AGBL4: variants seen among roughly 807,000 people sequenced by gnomAD.
The protein encoded by AGBL4 is AGBL carboxypeptidase 4.
In AGBL4, 58 loss-of-function variants were observed where a neutral mutation model predicts 66.4. That is an observed-to-expected ratio of 0.87 (90% CI 0.71 to 1.09). The LOEUF (loss-of-function observed/expected upper bound fraction) is 1.09. Ranked by LOEUF, AGBL4 falls within the 50% of genes least tolerant of loss-of-function variation. The pLI, the probability that AGBL4 is intolerant of heterozygous loss-of-function variation, is 0.00. For synonymous variants in AGBL4, 234 were observed against 222.9 expected (o/e 1.05, Z -0.44); for missense variants, 579 against 631.0 (o/e 0.92, Z 0.88).
chr1:49,199,943 T>C (rs111918395), intron 4 of AGBL4, among the ~76,000 whole-genome samples: 6 of 152,274 alleles, frequency 3.9e-5, no homozygotes, highest in African/African-American at 1.2e-4. Flanking sequence ...AGCCATGATA[T>C]GTGGGGAGGC....
chr1:49,843,974 T>C (rs74436395), intron 2 of AGBL4, among the ~76,000 whole-genome samples: 5 of 152,242 alleles, frequency 3.3e-5, no homozygotes, highest in Non-Finnish European at 7.4e-5. Flanking sequence ...AGCATGTATA[T>C]TGAGGTCTTG....
chr1:49,440,636 A>G (rs886483680), intron 3 of AGBL4, among the ~76,000 whole-genome samples: 1 of 152,168 alleles, frequency 6.6e-6, no homozygotes, highest in African/African-American at 2.4e-5. Context: ...AGGAGGAGAC[A>G]CTGAGCCTCA....
chr1:48,913,057 T>A (rs943896846), intron 5 of AGBL4, among the ~76,000 whole-genome samples: 2 of 152,118 alleles, frequency 1.3e-5, no homozygotes, highest in Non-Finnish European at 2.9e-5. Context: ...CAAATAACTA[T>A]GAAGTTTTAT....
intron 2 of AGBL4, among the ~76,000 whole-genome samples, chr1:49,698,784 C>T (rs1053349612): frequency 6.6e-6 from 1 of 151,982 alleles, no homozygotes; most frequent in Non-Finnish European, 1.5e-5. Flanking sequence ...TTAATATTCA[C>T]TTCAATATTC....
intron 3 of AGBL4, among the ~76,000 whole-genome samples, chr1:49,432,352 C>T (rs943126328): frequency 6.6e-6 from 1 of 152,000 alleles, no homozygotes; most frequent in African/African-American, 2.4e-5. Flanking sequence ...TCCAGGCCTT[C>T]TTCTTGGAAT....
At chr1:48,864,105 C>A (rs953198155) in intron 6 of AGBL4, among the ~76,000 whole-genome samples, 1 of 151,924 alleles carries the variant, frequency 6.6e-6, no homozygotes, top group African/African-American at 2.4e-5. Context: ...TAAAAAGAGA[C>A]AACCCAATAG....
chr1:49,928,574 T>C (rs1335705977), intron 1 of AGBL4, among the ~76,000 whole-genome samples: 1 of 151,938 alleles, frequency 6.6e-6, no homozygotes, highest in Admixed American at 6.6e-5. Context: ...AAAGAAAAGA[T>C]TGGAAGAGGA....
intron 5 of AGBL4, among the ~76,000 whole-genome samples, chr1:48,961,602 C>T (rs1657982686): frequency 6.6e-6 from 1 of 152,116 alleles, no homozygotes; most frequent in Non-Finnish European, 1.5e-5. Flanking sequence ...ACCAAGGGAG[C>T]CATCCCAGGA....
chr1:49,513,114 C>T (rs114312028), intron 3 of AGBL4, among the ~76,000 whole-genome samples: 1,666 of 152,130 alleles, frequency 0.011, 28 homozygotes, highest in African/African-American at 0.038. Context: ...TGTGGCAGAA[C>T]TGGAAAATGA....
intron 5 of AGBL4, among the ~76,000 whole-genome samples, chr1:48,913,790 G>C (rs1053330313): frequency 1.3e-5 from 2 of 152,172 alleles, no homozygotes; most frequent in African/African-American, 4.8e-5. Flanking sequence ...CCCTCGCCCT[G>C]ACCTAGTCTG....
At chr1:48,896,260 C>T (rs1651497932) in intron 5 of AGBL4, among the ~76,000 whole-genome samples, 1 of 152,226 alleles carries the variant, frequency 6.6e-6, no homozygotes, top group Non-Finnish European at 1.5e-5. Flanking sequence ...TTTAACTCCT[C>T]TCACATTGTC....
chr1:49,901,506 A>C (rs1284010744), intron 1 of AGBL4, among the ~76,000 whole-genome samples: 1 of 152,204 alleles, frequency 6.6e-6, no homozygotes, highest in Non-Finnish European at 1.5e-5. Flanking sequence ...AGATCTCTAC[A>C]ATAAGAATTA....
intron 3 of AGBL4, among the ~76,000 whole-genome samples, chr1:49,337,249 G>A (rs999355056): frequency 2.6e-5 from 4 of 152,294 alleles, no homozygotes; most frequent in African/African-American, 9.6e-5. Context: ...TATAAACTGT[G>A]AGGAGCTCTT....
intron 3 of AGBL4, among the ~76,000 whole-genome samples, chr1:49,317,957 T>C (rs1166980809): frequency 2.0e-5 from 3 of 152,058 alleles, no homozygotes; most frequent in African/African-American, 7.2e-5. Flanking sequence ...TAGTCAATTA[T>C]TTATTGTTTT....
intron 1 of AGBL4, among the ~76,000 whole-genome samples, chr1:49,881,984 A>T (rs576798797): frequency 6.6e-6 from 1 of 152,060 alleles, no homozygotes; most frequent in Admixed American, 6.5e-5. Flanking sequence ...CTGAATGGTA[A>T]TACCTAGGTT....
rs1336566483 is a variant in AGBL4 at position 48,675,261 on chromosome 1, A to G, written c.635-12020T>C. Among the ~76,000 whole-genome samples, 7 of 152,084 alleles carry G rather than the reference A, an allele frequency of 4.6e-5. No homozygotes were observed. In the South Asian group the frequency reaches 1.5e-3, roughly 32 times the overall value. ...TGACCCAGAGCCCACCCTGAGCCCAATCTCTTCCCTCTCTCCCCTCCCTAG... is the reference window on the plus strand; with the variant it reads ...TGACCCAGAGCCCACCCTGAGCCCAGTCTCTTCCCTCTCTCCCCTCCCTAG... On this transcript the variant is annotated intron_variant, in intron 6 of 13. Coordinates refer to ENST00000371839, the MANE Select transcript of AGBL4 (RefSeq NM_032785.4).
chr1:48,609,585 G>A (rs1053036181), intron 9 of AGBL4, among the ~76,000 whole-genome samples: 2 of 151,956 alleles, frequency 1.3e-5, no homozygotes, highest in African/African-American at 4.8e-5. Flanking sequence ...ACCGCACCCA[G>A]ATAATTTTTG....
intron 5 of AGBL4, among the ~76,000 whole-genome samples, chr1:48,895,410 C>T (rs1651405710): frequency 1.3e-5 from 2 of 152,112 alleles, no homozygotes; most frequent in Non-Finnish European, 2.9e-5. Flanking sequence ...AGAGGCCTGG[C>T]AAGGAGAGAC....
At chr1:49,665,035 CT>C (rs1203198910) in intron 3 of AGBL4, among the ~76,000 whole-genome samples, 1 of 152,120 alleles carries the variant, frequency 6.6e-6, no homozygotes, top group Non-Finnish European at 1.5e-5. Flanking sequence ...GGTAGAGTTA[CT>C]CTTAAATGAA....
Sources: allele counts gnomAD v4.1 joint callset (sites outside exome capture counted in the v4.1 genomes callset), GRCh38; gene constraint gnomAD v4.1.1; transcripts MANE v1.5; gene names NCBI Gene and HGNC (gene_info 2026-07-23, HGNC 2026-07-21).